Variants in HACD3 observed in about 807,000 individuals in gnomAD.
HACD3 encodes the protein 3-hydroxyacyl-CoA dehydratase 3.
In HACD3, 30 loss-of-function variants were observed where a neutral mutation model predicts 55.2. The observed-to-expected ratio is 0.54, with a 90% CI of 0.41 to 0.74. The LOEUF (loss-of-function observed/expected upper bound fraction) is 0.74. HACD3 is among the 30% of genes least tolerant of loss of function. The pLI is 0.00. For missense variants in HACD3, 363 were observed against 440.1 expected (o/e 0.82, Z 1.57); for synonymous variants, 141 against 151.7 (o/e 0.93, Z 0.52).
chr15:65,560,047 GTT>G (rs1203554676), intron 5 of HACD3, among the ~76,000 whole-genome samples: 3 of 142,032 alleles, frequency 2.1e-5, no homozygotes, highest in Non-Finnish European at 1.6e-5. Flanking sequence ...AGGCTGTGTT[GTT>G]TTTTTTTTTT....
chr15:65,545,958 T>C (rs757844577), intron 1 of HACD3, among the ~76,000 whole-genome samples: 76 of 152,258 alleles, frequency 5.0e-4, no homozygotes, highest in Non-Finnish European at 9.1e-4. Flanking sequence ...TCTTCTCTCT[T>C]AGACCACTTG....
At chr15:65,562,054 C>T (rs2072249275) in intron 5 of HACD3, among the ~76,000 whole-genome samples, 1 of 152,236 alleles carries the variant, frequency 6.6e-6, no homozygotes, top group Admixed American at 6.5e-5. Context: ...CTCCAGGAAC[C>T]TCCGTGTGTT....
intron 7 of HACD3, chr15:65,566,769 A>G (rs1307993471): frequency 6.6e-6 from 1 of 152,234 alleles, no homozygotes; most frequent in Non-Finnish European, 1.5e-5. Context: ...CCTGAACAAG[A>G]AAGAACATTT....
intron 4 of HACD3, among the ~76,000 whole-genome samples, chr15:65,557,594 C>T (rs1567336834): frequency 6.6e-6 from 1 of 152,138 alleles, no homozygotes; most frequent in Non-Finnish European, 1.5e-5. Flanking sequence ...TTCCTCTTGG[C>T]TCTCCTTGGA....
At chr15:65,572,939 T>C (rs1306080206) in intron 10 of HACD3, among the ~76,000 whole-genome samples, 1 of 139,060 alleles carries the variant, frequency 7.2e-6, no homozygotes, top group Non-Finnish European at 1.6e-5. Flanking sequence ...AATAAATAAA[T>C]AAATAAAAAT....
Position 65,570,138 on chromosome 15 carries a change from A to G in HACD3, c.708A>G (p.Glu236=). The G allele has an allele frequency of 1.9e-6, 3 of 1,613,264 alleles. No individual in the cohort carries two copies. The highest frequency in any genetic ancestry group is 1.3e-5 in the African/African-American group (1 of 75,036). Residue 236 remains glutamate, a synonymous_variant, in exon 8 of 11, where the codon GAA becomes GAG. Coordinates refer to ENST00000261875, the MANE Select transcript of HACD3 (RefSeq NM_016395.4). ...FILFIIFGTM[E]EMQNKAVVFF... is the part of the protein sequence containing the mutation. ...TGTTTATCATCTTTGGCACCATGGAAGAAATGCAGAACAAAGCTGTGGTTT... is the reference window on the plus strand; with the variant it reads ...TGTTTATCATCTTTGGCACCATGGAGGAAATGCAGAACAAAGCTGTGGTTT...
At chr15:65,564,401 G>A in intron 7 of HACD3, 59 bp downstream of exon 7, 1 of 1,574,424 alleles carries the variant, frequency 6.4e-7, no homozygotes, top group East Asian at 2.3e-5. Flanking sequence ...TGTCTAGTGG[G>A]TATGTGTATT....
chr15:65,543,942 C>T (rs1299953374), intron 1 of HACD3, among the ~76,000 whole-genome samples: 4 of 152,142 alleles, frequency 2.6e-5, no homozygotes, highest in Non-Finnish European at 5.9e-5. Flanking sequence ...TTTGGGAGGC[C>T]GAGGTGGGCA....
chr15:65,536,718 C>G (rs778745919), intron 1 of HACD3, among the ~76,000 whole-genome samples: 1 of 152,054 alleles, frequency 6.6e-6, no homozygotes, highest in Non-Finnish European at 1.5e-5. Flanking sequence ...ATCACGCCAC[C>G]GCACTCCAGT....
chr15:65,530,869 T>A (rs2071890335), intron 1 of HACD3, 151 bp downstream of exon 1: 1 of 724,810 alleles, frequency 1.4e-6, no homozygotes, highest in African/African-American at 1.9e-5. Context: ...GTGCTGGCGC[T>A]TTTCGAGGCT....
intron 5 of HACD3, among the ~76,000 whole-genome samples, chr15:65,561,569 GA>G (rs998118337): frequency 1.4e-4 from 21 of 152,030 alleles, no homozygotes; most frequent in African/African-American, 5.1e-4. Flanking sequence ...AGGTGTTATG[GA>G]AAAAATACAA....
chr15:65,556,620 A>G, intron 3 of HACD3, 119 bp from the exon 4 acceptor site: 2 of 1,092,900 alleles, frequency 1.8e-6, no homozygotes, highest in Non-Finnish European at 2.5e-6. Context: ...CAGGACTTGC[A>G]GGACCAGAGA....
intron 1 of HACD3, among the ~76,000 whole-genome samples, chr15:65,534,709 T>C (rs558201651): frequency 6.6e-6 from 1 of 152,100 alleles, no homozygotes; most frequent in East Asian, 1.9e-4. Context: ...CTTGTTCTTA[T>C]TACACTTATG....
At chr15:65,549,435 A>G (rs891484280) in intron 1 of HACD3, among the ~76,000 whole-genome samples, 2 of 94,234 alleles carry the variant, frequency 2.1e-5, no homozygotes, top group African/African-American at 1.0e-4. Flanking sequence ...GGAAAAAAAA[A>G]AAAAAAAAAA....
intron 3 of HACD3, among the ~76,000 whole-genome samples, chr15:65,555,845 A>G (rs906761224): frequency 1.3e-5 from 2 of 152,148 alleles, no homozygotes; most frequent in African/African-American, 4.8e-5. Context: ...AGTCATTTTC[A>G]TGGGAGGAAA....
chr15:65,552,103 AAAT>A (rs1297550616), intron 2 of HACD3, among the ~76,000 whole-genome samples: 1 of 152,194 alleles, frequency 6.6e-6, no homozygotes, highest in East Asian at 1.9e-4. Context: ...CGTGGACACC[AAAT>A]AATGTTTCCA....
chr15:65,552,422 G>A (rs185637703), intron 2 of HACD3, among the ~76,000 whole-genome samples: 285 of 152,172 alleles, frequency 1.9e-3, no homozygotes, highest in Non-Finnish European at 3.5e-3. Context: ...TGCAACCTCC[G>A]CCTCCTGGGT....
At chr15:65,575,188 G>GTT (rs1247642156) in intron 10 of HACD3, among the ~76,000 whole-genome samples, 42 of 137,230 alleles carry the variant, frequency 3.1e-4, no homozygotes, top group African/African-American at 5.1e-4. Flanking sequence ...GGACTTTTTA[G>GTT]TTTTTTTTTT....
intron 5 of HACD3, among the ~76,000 whole-genome samples, chr15:65,560,952 G>C (rs774992275): frequency 5.9e-5 from 9 of 152,108 alleles, no homozygotes; most frequent in Admixed American, 1.3e-4. Context: ...ACAGTTTTTA[G>C]ATTGTAAGCT....
Sources: gnomAD v4.1 joint callset for allele counts (sites outside exome capture counted in the v4.1 genomes callset) on GRCh38, gnomAD v4.1.1 for gene constraint, MANE v1.5 for transcripts, NCBI Gene and HGNC (gene_info 2026-07-23, HGNC 2026-07-21) for gene names.